The following MACROD2 variants were observed in gnomAD, a reference collection of about 807,000 sequenced individuals.
MACROD2 encodes the protein mono-ADP ribosylhydrolase 2.
A neutral mutation model predicts 70.4 loss-of-function variants in MACROD2; 36 were observed. The ratio of observed to expected loss-of-function variants is 0.51; its 90% CI spans 0.39 to 0.68. The LOEUF (loss-of-function observed/expected upper bound fraction) is 0.68. Ranked by LOEUF, MACROD2 falls within the 30% of genes least tolerant of loss-of-function variation. MACROD2 has a pLI of 0.00. For synonymous variants in MACROD2, 172 were observed against 178.8 expected (o/e 0.96, Z 0.30); for missense variants, 496 against 538.4 (o/e 0.92, Z 0.78).
rs575188773 is a variant in MACROD2, at chr20:14,721,032, G to A, written c.418+36073G>A. Among the ~76,000 whole-genome samples the A allele has an allele frequency of 2.2e-4, 33 of 151,948 alleles. No homozygotes were observed. In the South Asian group the frequency reaches 3.1e-3, roughly 14 times the overall value. On this transcript the variant is annotated intron_variant, in intron 5 of 17. Transcript: ENST00000684519. The stretch of plus-strand genomic sequence containing the variant: ...CACTTAGGGAGGCCGAGGCGGGTGG[G>A]TTGCTTGAGCTCGGGAGTTAGCGAC...
intron 6 of MACROD2, among the ~76,000 whole-genome samples, chr20:15,363,626 C>T (rs2078377939): frequency 6.6e-6 from 1 of 152,144 alleles, no homozygotes; most frequent in Non-Finnish European, 1.5e-5. Context: ...CTTCTGCAGG[C>T]AAACGTTGCC....
At chr20:14,431,092 A>G (rs764798843) in intron 3 of MACROD2, among the ~76,000 whole-genome samples, 4 of 152,174 alleles carry the variant, frequency 2.6e-5, no homozygotes, top group Non-Finnish European at 5.9e-5. Context: ...ATGCTGTCTG[A>G]TGACACAGAG....
In MACROD2 at chr20:14,503,056, C is replaced by T. The variant is rs151128195; in HGVS notation, c.301+9548C>T. Among the ~76,000 whole-genome samples the T allele has an allele frequency of 6.6e-4, 101 of 152,188 alleles. No individual in the cohort carries two copies. In the East Asian group the frequency reaches 0.017, roughly 26 times the overall value. On this transcript the variant is annotated intron_variant, in intron 4 of 17. Transcript: ENST00000684519. The stretch of plus-strand genomic sequence containing the variant: ...TTCAGGACAGGACACGTGATGAGGC[C>T]ATCTCTTAAGGTATGTGAAAAGAAG...
intron 3 of MACROD2, among the ~76,000 whole-genome samples, chr20:14,221,800 A>G (rs2081676772): frequency 6.6e-6 from 1 of 152,238 alleles, no homozygotes; most frequent in South Asian, 2.1e-4. Flanking sequence ...AACTAACCCT[A>G]TTAAAAGGTG....
intron 8 of MACROD2, among the ~76,000 whole-genome samples, chr20:15,607,174 A>G (rs1454415854): frequency 6.6e-6 from 1 of 152,200 alleles, no homozygotes; most frequent in Non-Finnish European, 1.5e-5. Flanking sequence ...AAACAATGGG[A>G]AACTAACATA....
chr20:15,479,851 T>C (rs935456152), intron 7 of MACROD2, among the ~76,000 whole-genome samples: 1 of 152,334 alleles, frequency 6.6e-6, no homozygotes, highest in Non-Finnish European at 1.5e-5. Flanking sequence ...AGTAAATTAA[T>C]TGACACCCAC....
intron 10 of MACROD2, among the ~76,000 whole-genome samples, chr20:15,923,687 A>T (rs1174851701): frequency 6.6e-6 from 1 of 152,218 alleles, no homozygotes; most frequent in African/African-American, 2.4e-5. Flanking sequence ...AGTACTCCAG[A>T]TAGAGTAATT....
intron 5 of MACROD2, among the ~76,000 whole-genome samples, chr20:14,812,706 A>G (rs2072729577): frequency 6.6e-6 from 1 of 152,060 alleles, no homozygotes; most frequent in Non-Finnish European, 1.5e-5. Context: ...CCGCTCAAAC[A>G]TCACTCAACA....
chr20:15,016,743 G>A (rs1009084999), intron 5 of MACROD2, among the ~76,000 whole-genome samples: 1 of 152,116 alleles, frequency 6.6e-6, no homozygotes, highest in South Asian at 2.1e-4. Flanking sequence ...CAGAATAATG[G>A]TGGGAGGCAA....
intron 3 of MACROD2, among the ~76,000 whole-genome samples, chr20:14,183,225 A>G (rs1226487731): frequency 6.6e-6 from 1 of 150,404 alleles, no homozygotes; most frequent in Non-Finnish European, 1.5e-5. Flanking sequence ...GTTCCCCTCT[A>G]TGGGTCCATA....
At chr20:15,979,753 A>G (rs2066367972) in intron 13 of MACROD2, among the ~76,000 whole-genome samples, 1 of 152,136 alleles carries the variant, frequency 6.6e-6, no homozygotes, top group Non-Finnish European at 1.5e-5. Flanking sequence ...GGAGAAGCCA[A>G]GGGGTGTGGA....
intron 2 of MACROD2, among the ~76,000 whole-genome samples, chr20:14,071,147 ATATACT>A (rs1326270671): frequency 1.3e-5 from 2 of 152,094 alleles, no homozygotes; most frequent in Non-Finnish European, 2.9e-5. Context: ...GAAATGTAAA[ATATACT>A]TATGATTTTA....
At position 16,041,229 on chromosome 20, in the gene MACROD2, T is replaced by C. The variant is rs1381348195; in HGVS notation, c.1182T>C (p.Pro394=). ...KAPGEDTPRM[P]GKSEGSSDLE... ...CAGGCGAGGACACACCTAGGATGCCTGGGAAAAGTGAAGGCTCCAGTGACC... is the reference window on the plus strand; with the variant it reads ...CAGGCGAGGACACACCTAGGATGCCCGGGAAAAGTGAAGGCTCCAGTGACC... The change falls in exon 16 of 18, where the codon CCT becomes CCC. Residue 394 remains proline, a synonymous_variant. Transcript: ENST00000684519. The C allele has an allele frequency of 1.9e-6, 3 of 1,611,968 alleles. No individual in the cohort carries two copies. The highest frequency in any genetic ancestry group is 1.3e-5 in the African/African-American group (1 of 74,696).
intron 7 of MACROD2, among the ~76,000 whole-genome samples, chr20:15,461,008 T>A (rs867528075): frequency 3.5e-3 from 234 of 66,932 alleles, no homozygotes; most frequent in Middle Eastern, 7.7e-3. Context: ...ATATATATAT[T>A]TTTTTTTAAT....
At chr20:15,504,526 A>C (rs981445607) in intron 8 of MACROD2, among the ~76,000 whole-genome samples, 5 of 152,236 alleles carry the variant, frequency 3.3e-5, no homozygotes, top group Non-Finnish European at 4.4e-5. Context: ...TGAGAAGATC[A>C]GATAGATGAA....
At chr20:15,221,099 G>C (rs1157578759) in intron 5 of MACROD2, among the ~76,000 whole-genome samples, 1 of 152,076 alleles carries the variant, frequency 6.6e-6, no homozygotes, top group Non-Finnish European at 1.5e-5. Flanking sequence ...CCTTGCAGTG[G>C]GGACTAATAT....
At chr20:14,840,373 A>G (rs2073074750) in intron 5 of MACROD2, among the ~76,000 whole-genome samples, 1 of 151,966 alleles carries the variant, frequency 6.6e-6, no homozygotes, top group Non-Finnish European at 1.5e-5. Context: ...CTGAAAGAGT[A>G]AATTGATCAA....
At chr20:15,486,255 A>G (rs1411617561) in intron 7 of MACROD2, among the ~76,000 whole-genome samples, 1 of 152,108 alleles carries the variant, frequency 6.6e-6, no homozygotes, top group Non-Finnish European at 1.5e-5. Flanking sequence ...GCCCACCTAT[A>G]CTTCCAGTCA....
At chr20:15,407,149 C>T (rs558331640) in intron 6 of MACROD2, among the ~76,000 whole-genome samples, 10 of 152,284 alleles carry the variant, frequency 6.6e-5, no homozygotes, top group South Asian at 6.2e-4. Flanking sequence ...TGTTACTACC[C>T]GGCTTTTTCA....
Sources: allele counts gnomAD v4.1 joint callset (sites outside exome capture counted in the v4.1 genomes callset), GRCh38; gene constraint gnomAD v4.1.1; transcripts MANE v1.5; gene names NCBI Gene and HGNC (gene_info 2026-07-23, HGNC 2026-07-21).